The following NAV2 variants were observed in gnomAD, a reference collection of about 807,000 sequenced individuals.
NAV2 encodes neuron navigator 2, also known as helicase, APC down-regulated 1.
A neutral mutation model predicts 223.2 loss-of-function variants in NAV2; 54 were observed. That is an observed-to-expected ratio of 0.24 (90% confidence interval 0.19 to 0.30). The LOEUF is 0.30. Ranked by LOEUF, NAV2 falls within the 10% of genes least tolerant of loss-of-function variation. The probability of loss-of-function intolerance (pLI) is 1.00; values close to 1 mark genes in which losing one functional copy is unlikely to be tolerated. For missense variants in NAV2, 2,806 were observed against 3,147.5 expected (o/e 0.89, Z 2.60); for synonymous variants, 1,279 against 1,239.3 (o/e 1.03, Z -0.67).
At chr11:19,543,936 T>C (rs1158264544) in intron 1 of NAV2, among the ~76,000 whole-genome samples, 1 of 152,240 alleles carries the variant, frequency 6.6e-6, no homozygotes, top group Non-Finnish European at 1.5e-5. Flanking sequence ...GTGTACTCTG[T>C]AGCCTTGTGA....
At chr11:19,606,250 T>C (rs1244120972) in intron 1 of NAV2, among the ~76,000 whole-genome samples, 7 of 152,230 alleles carry the variant, frequency 4.6e-5, no homozygotes, top group Non-Finnish European at 8.8e-5. Flanking sequence ...TCAAAGTGTA[T>C]TGGATATTGG....
intron 1 of NAV2, among the ~76,000 whole-genome samples, chr11:19,500,066 T>C (rs1040785999): frequency 2.0e-5 from 3 of 152,136 alleles, no homozygotes; most frequent in Admixed American, 1.3e-4. Context: ...CTTTGCATTT[T>C]CTTTCACTAA....
chr11:19,914,834 G>A (rs551073506), intron 6 of NAV2, among the ~76,000 whole-genome samples: 6 of 152,238 alleles, frequency 3.9e-5, no homozygotes, highest in South Asian at 4.1e-4. Flanking sequence ...GTGAGCCACC[G>A]CGCCCGGCCT....
At chr11:19,800,674 T>TGTGG (rs780102953) in intron 1 of NAV2, among the ~76,000 whole-genome samples, 5 of 107,996 alleles carry the variant, frequency 4.6e-5, no homozygotes, top group Non-Finnish European at 8.0e-5. Context: ...GGAGAATGGG[T>TGTGG]GTGTGTGTGT....
chr11:19,687,264 T>C (rs1360321170), intron 1 of NAV2, among the ~76,000 whole-genome samples: 1 of 152,238 alleles, frequency 6.6e-6, no homozygotes, highest in East Asian at 1.9e-4. Flanking sequence ...CTTGGCTGCA[T>C]TGACACTTGA....
intron 10 of NAV2, among the ~76,000 whole-genome samples, chr11:19,977,796 T>C (rs1474433517): frequency 6.8e-6 from 1 of 147,314 alleles, no homozygotes; most frequent in Non-Finnish European, 1.5e-5. Flanking sequence ...GTCAACTTTT[T>C]TCTTTTTTTT....
At chr11:19,884,930 G>A (rs1227111601) in intron 5 of NAV2, among the ~76,000 whole-genome samples, 2 of 152,150 alleles carry the variant, frequency 1.3e-5, no homozygotes, top group African/African-American at 4.8e-5. Flanking sequence ...ATGCTCTTAG[G>A]TGCCATGGAG....
At position 19,524,131 on chromosome 11, in the gene NAV2, G is replaced by A. The variant is rs374487676; in HGVS notation, c.75+173104G>A. Among the ~76,000 whole-genome samples, 7 of 152,188 alleles carry A rather than the reference G, an allele frequency of 4.6e-5. No individual in the cohort carries two copies. In the East Asian group the frequency reaches 7.7e-4, roughly 17 times the overall value. ...CCTGGTAGGATATGATCCCCTGAGG[G>A]TAGGGACCCTGTTGTTGTCATCTCT... On this transcript the variant is annotated intron_variant, in intron 1 of 37. Coordinates refer to the NAV2 transcript ENST00000360655.
intron 6 of NAV2, among the ~76,000 whole-genome samples, chr11:19,901,549 TC>T (rs893752025): frequency 2.0e-5 from 3 of 152,134 alleles, no homozygotes; most frequent in African/African-American, 7.2e-5. Context: ...AAGAGAACAC[TC>T]CCTTTTAATT....
At chr11:19,936,168 C>G (rs765009926) in intron 7 of NAV2, among the ~76,000 whole-genome samples, 1 of 151,908 alleles carries the variant, frequency 6.6e-6, no homozygotes. Context: ...CGCGCCCAGC[C>G]ATGAACTGTT....
At chr11:19,519,871 C>G (rs749361342) in intron 1 of NAV2, 1 of 152,198 alleles carries the variant, frequency 6.6e-6, no homozygotes, top group Non-Finnish European at 1.5e-5. Flanking sequence ...CCTGGGCCTT[C>G]TCTGGGAATG....
chr11:19,863,815 G>A (rs2061934910), intron 3 of NAV2, among the ~76,000 whole-genome samples: 2 of 152,162 alleles, frequency 1.3e-5, no homozygotes, highest in African/African-American at 4.8e-5. Context: ...TACAAGGTTG[G>A]GGATTATGTC....
At position 19,373,039 on chromosome 11, in the gene NAV2, G is replaced by A. The variant is rs770827089; in HGVS notation, c.75+22012G>A. Among the ~76,000 whole-genome samples the A allele has an allele frequency of 1.2e-3, 179 of 152,246 alleles. 2 individuals are homozygous for A. The highest frequency in any genetic ancestry group is 5.9e-4 in the Non-Finnish European group (40 of 68,032). ...GACTTGTTGTTGGACACTTTTACAG[G>A]CATTATCCCATACCATTCCCACAGA... On this transcript the variant is annotated intron_variant, in intron 1 of 37. Transcript: ENST00000360655.
chr11:20,001,744 T>C (rs527297196), intron 11 of NAV2, among the ~76,000 whole-genome samples: 31 of 151,254 alleles, frequency 2.0e-4, no homozygotes, highest in African/African-American at 3.4e-4. Context: ...TTAGGAGATA[T>C]ACCTAATGTA....
intron 29 of NAV2, among the ~76,000 whole-genome samples, chr11:20,093,909 G>T (rs1292306082): frequency 2.6e-5 from 4 of 152,138 alleles, no homozygotes; most frequent in African/African-American, 7.2e-5. Flanking sequence ...ATGTAAAAAG[G>T]CCTCATGAGT....
chr11:20,064,142 T>TAG (rs1205740062), intron 20 of NAV2, among the ~76,000 whole-genome samples: 2 of 152,218 alleles, frequency 1.3e-5, no homozygotes, highest in African/African-American at 4.8e-5. Flanking sequence ...TAAGAAAGCA[T>TAG]AGAGATGGTC....
intron 1 of NAV2, among the ~76,000 whole-genome samples, chr11:19,359,641 C>T (rs1853818357): frequency 6.6e-6 from 1 of 152,216 alleles, no homozygotes. Flanking sequence ...ATGACGTCAC[C>T]AGTCATTTAG....
chr11:19,416,628 C>T (rs571580674), intron 1 of NAV2, among the ~76,000 whole-genome samples: 39 of 152,188 alleles, frequency 2.6e-4, no homozygotes, highest in Non-Finnish European at 4.7e-4. Flanking sequence ...AAAAAGAGCC[C>T]GTACAGCCAA....
intron 5 of NAV2, among the ~76,000 whole-genome samples, chr11:19,882,655 G>A (rs114975616): frequency 0.014 from 2,120 of 152,268 alleles, 46 homozygotes; most frequent in African/African-American, 0.049. Flanking sequence ...TCCAGTCAGA[G>A]CACCCATCTC....
Sources: allele counts gnomAD v4.1 joint callset (sites outside exome capture counted in the v4.1 genomes callset), GRCh38; gene constraint gnomAD v4.1.1; transcripts MANE v1.5; gene names NCBI Gene and HGNC (gene_info 2026-07-23, HGNC 2026-07-21).